The following PDE10A variants were observed in gnomAD, a reference collection of about 807,000 sequenced individuals.
The protein encoded by PDE10A is phosphodiesterase 10A.
A neutral mutation model predicts 97.7 loss-of-function variants in PDE10A; 39 were observed. The ratio of observed to expected loss-of-function variants is 0.40; its 90% CI spans 0.31 to 0.52. PDE10A has a LOEUF of 0.52. Among genes scored for constraint, PDE10A ranks in the 20% least tolerant of loss-of-function variants. The pLI is 0.56. For missense variants in PDE10A, 731 were observed against 1,047.8 expected (o/e 0.70, Z 4.17); for synonymous variants, 371 against 376.8 (o/e 0.98, Z 0.18).
rs550957637 is a variant in PDE10A, at chr6:165,864,109, T to C, written c.-615+123420A>G. On this transcript the variant is annotated intron_variant, in intron 1 of 19. Coordinates refer to the PDE10A transcript ENST00000366882. ...TGTTACCACTAAAGACACCTCATTG[T>C]GTACCGCAAATCTATGCTTCGCTGT... Among the ~76,000 whole-genome samples the C allele has an allele frequency of 8.5e-5, 13 of 152,200 alleles. No individual in the cohort carries two copies. In the East Asian group the frequency reaches 2.2e-3, roughly 25 times the overall value.
chr6:165,328,891 A>T lies in PDE10A; in HGVS notation c.*4134T>A, dbSNP rs1781191951. 1 of 152,244 alleles carries T rather than the reference A, an allele frequency of 6.6e-6. No homozygotes were observed. The highest frequency in any genetic ancestry group is 1.5e-5 in the Non-Finnish European group (1 of 68,046). 9.4% of individuals were successfully genotyped at this position (152,244 alleles called of 1,614,324 possible). ...ATTTAAACAATATAAATGGTTAAAG[A>T]AGTCAGCAAAATGTGTATTGGCTAA... On this transcript the variant is annotated 3_prime_UTR_variant, in exon 22 of 22. Coordinates refer to ENST00000539869, the MANE Select transcript of PDE10A (RefSeq NM_001385079.1).
chr6:165,655,699 T>C lies in PDE10A; in HGVS notation c.865+6248A>G, dbSNP rs1789916617. ...CCAAACTGCAGCCAGAATGAGCTTCTGAGATCATAAACCATGGATCACCCA... is the reference window on the plus strand; with the variant it reads ...CCAAACTGCAGCCAGAATGAGCTTCCGAGATCATAAACCATGGATCACCCA... On this transcript the variant is annotated intron_variant, in intron 1 of 21. Coordinates refer to ENST00000539869, the MANE Select transcript of PDE10A (RefSeq NM_001385079.1). The surrounding 1 kb of genome is among the most constrained non-coding windows in gnomAD (Gnocchi z 4.5). Among the ~76,000 whole-genome samples, 1 of 152,182 alleles carries C rather than the reference T, an allele frequency of 6.6e-6. No homozygotes were observed. The highest frequency in any genetic ancestry group is 6.5e-5 in the Admixed American group (1 of 15,286).
intron 1 of PDE10A, among the ~76,000 whole-genome samples, chr6:165,787,021 C>T (rs567727058): frequency 3.9e-5 from 6 of 152,024 alleles, no homozygotes; most frequent in South Asian, 2.1e-4. Flanking sequence ...TATTCTTTAG[C>T]GGCAAATTAT....
At chr6:165,611,009 C>G (rs1426651854) in intron 1 of PDE10A, among the ~76,000 whole-genome samples, 1 of 151,828 alleles carries the variant, frequency 6.6e-6, no homozygotes, top group Admixed American at 6.6e-5. Flanking sequence ...AGCTTTAAAG[C>G]AAATCCTAAT....
chr6:165,650,800 T>C (rs1789647879), intron 1 of PDE10A, among the ~76,000 whole-genome samples: 1 of 151,830 alleles, frequency 6.6e-6, no homozygotes, highest in Non-Finnish European at 1.5e-5. Flanking sequence ...TGCAGTGGTG[T>C]GATCTCAGCT....
chr6:165,437,030 C>CAAAA (rs59017096), intron 5 of PDE10A, among the ~76,000 whole-genome samples: 2,060 of 152,264 alleles, frequency 0.014, 48 homozygotes, highest in African/African-American at 0.045. Context: ...TGTCCCTTTT[C>CAAAA]TGTACCAAAG....
intron 18 of PDE10A, among the ~76,000 whole-genome samples, chr6:165,361,902 A>C (rs537522354): frequency 1.3e-5 from 2 of 152,334 alleles, no homozygotes; most frequent in East Asian, 3.9e-4. Context: ...TTTGTGGTAT[A>C]CTTTGTTAAC....
At chr6:165,838,290 C>T (rs1353475977) in intron 1 of PDE10A, among the ~76,000 whole-genome samples, 1 of 152,150 alleles carries the variant, frequency 6.6e-6, no homozygotes, top group Non-Finnish European at 1.5e-5. Context: ...CAAAGTGAAG[C>T]CGGGAAATAA....
At chr6:165,649,618 G>A (rs568002030) in intron 1 of PDE10A, among the ~76,000 whole-genome samples, 1 of 152,128 alleles carries the variant, frequency 6.6e-6, no homozygotes, top group African/African-American at 2.4e-5. Flanking sequence ...CAAAGCTGCT[G>A]AGGAAGAGGT....
At chr6:165,489,278 T>G (rs1016576345) in intron 2 of PDE10A, among the ~76,000 whole-genome samples, 1 of 152,166 alleles carries the variant, frequency 6.6e-6, no homozygotes, top group African/African-American at 2.4e-5. Context: ...TGGGACTCTC[T>G]GCAGACACTC....
At chr6:165,782,744 C>G (rs752581818) in intron 1 of PDE10A, among the ~76,000 whole-genome samples, 3 of 152,184 alleles carry the variant, frequency 2.0e-5, no homozygotes, top group Non-Finnish European at 2.9e-5. Context: ...ATCGTGTACC[C>G]AGGGACGTAC....
At chr6:165,738,169 C>T (rs1469422469) in intron 1 of PDE10A, among the ~76,000 whole-genome samples, 6 of 119,984 alleles carry the variant, frequency 5.0e-5, no homozygotes, top group Non-Finnish European at 1.0e-4. Context: ...CCCCTCCCCC[C>T]ACCCCACAAC....
At chr6:165,668,573 T>A (rs191516131) in intron 1 of PDE10A, among the ~76,000 whole-genome samples, 1 of 152,140 alleles carries the variant, frequency 6.6e-6, no homozygotes, top group Admixed American at 6.5e-5. Flanking sequence ...AAAGAAATGT[T>A]GGCTCTTCCA....
intron 1 of PDE10A, among the ~76,000 whole-genome samples, chr6:165,937,337 A>G (rs958867883): frequency 5.3e-5 from 8 of 152,174 alleles, no homozygotes; most frequent in Non-Finnish European, 1.2e-4. Flanking sequence ...ACAGATTTTA[A>G]CTATCTTCTT....
At chr6:165,432,589 C>T (rs1789676959) in intron 7 of PDE10A, among the ~76,000 whole-genome samples, 1 of 152,090 alleles carries the variant, frequency 6.6e-6, no homozygotes, top group African/African-American at 2.4e-5. Context: ...GAATGGAATT[C>T]AAATGTATTT....
chr6:165,823,493 T>TGAACCTTA (rs1779631974), intron 1 of PDE10A, among the ~76,000 whole-genome samples: 1 of 79,750 alleles, frequency 1.3e-5, no homozygotes, highest in African/African-American at 4.1e-5. Context: ...TATATATATA[T>TGAACCTTA]ATATATATAT....
At chr6:165,562,231 T>C (rs1403688445) in intron 1 of PDE10A, among the ~76,000 whole-genome samples, 2 of 152,156 alleles carry the variant, frequency 1.3e-5, no homozygotes, top group Admixed American at 1.3e-4. Flanking sequence ...TCAAAAGATA[T>C]AAACCAAATT....
At chr6:165,722,934 TTA>T (rs145404375) in intron 1 of PDE10A, among the ~76,000 whole-genome samples, 1 of 148,096 alleles carries the variant, frequency 6.8e-6, no homozygotes, top group African/African-American at 2.6e-5. Context: ...ATTTTAAGTT[TTA>T]TATATATATA....
chr6:165,531,844 C>T (rs1482001264), intron 2 of PDE10A, among the ~76,000 whole-genome samples: 1 of 152,068 alleles, frequency 6.6e-6, no homozygotes, highest in Non-Finnish European at 1.5e-5. Flanking sequence ...ATGTAGAACA[C>T]CAACAGGCTA....
Sources: gnomAD v4.1 joint callset for allele counts (sites outside exome capture counted in the v4.1 genomes callset) on GRCh38, gnomAD v4.1.1 for gene constraint, Gnocchi (gnomAD v3.1) non-coding constraint, MANE v1.5 for transcripts, NCBI Gene and HGNC (gene_info 2026-07-23, HGNC 2026-07-21) for gene names.